Variants in ATOSA observed in about 807,000 individuals in gnomAD.
The protein encoded by ATOSA is atos homolog protein A.
At chr15:52,661,577 A>G in the ATOSA span, among the ~76,000 whole-genome samples, 2 of 152,232 alleles carry the variant, frequency 1.3e-5, no homozygotes, top group Non-Finnish European at 2.9e-5. Context: ...CAGAATAACA[A>G]AATTATTTTC....
At chr15:52,672,694 T>C in the ATOSA span, among the ~76,000 whole-genome samples, 1 of 152,242 alleles carries the variant, frequency 6.6e-6, no homozygotes, top group Non-Finnish European at 1.5e-5. Context: ...CCCCATGGGT[T>C]TCTTCAGTTC....
At chr15:52,587,473 G>A in the ATOSA span, 6 of 271,732 alleles carry the variant, frequency 2.2e-5, no homozygotes, top group Non-Finnish European at 4.1e-5. Context: ...TTAAGATATA[G>A]GAATAAAAGA....
chr15:52,671,129 C>A, the ATOSA span, among the ~76,000 whole-genome samples: 1 of 152,052 alleles, frequency 6.6e-6, no homozygotes. Context: ...ATTTGTTAGA[C>A]GTATATAAAC....
At chr15:52,645,225 T>C in the ATOSA span, among the ~76,000 whole-genome samples, 1 of 152,178 alleles carries the variant, frequency 6.6e-6, no homozygotes, top group Non-Finnish European at 1.5e-5. Flanking sequence ...CATCACTTGA[T>C]GTCAAGAGTT....
chr15:52,651,187 T>C, the ATOSA span, among the ~76,000 whole-genome samples: 581 of 152,310 alleles, frequency 3.8e-3, 1 homozygote, highest in Middle Eastern at 0.024. Flanking sequence ...ACCTTGTATG[T>C]TGTCTTCAAA....
At chr15:52,624,863 T>C in the ATOSA span, among the ~76,000 whole-genome samples, 2 of 151,534 alleles carry the variant, frequency 1.3e-5, no homozygotes, top group Admixed American at 1.3e-4. Flanking sequence ...CTGAAACCTC[T>C]GCCTCCTGGG....
At chr15:52,707,636 A>G in the ATOSA span, among the ~76,000 whole-genome samples, 1 of 152,202 alleles carries the variant, frequency 6.6e-6, no homozygotes, top group Admixed American at 6.5e-5. Context: ...TTAGATAAAA[A>G]TAATAGATCA....
the ATOSA span, among the ~76,000 whole-genome samples, chr15:52,643,664 C>A: frequency 4.6e-5 from 7 of 151,852 alleles, no homozygotes; most frequent in Non-Finnish European, 1.0e-4. Flanking sequence ...GCCTGTAATC[C>A]CAACACTTTG....
chr15:52,644,396 T>C, the ATOSA span, among the ~76,000 whole-genome samples: 1 of 152,218 alleles, frequency 6.6e-6, no homozygotes, highest in Non-Finnish European at 1.5e-5. Context: ...CCCTCTTTCA[T>C]GTCTTTTTAT....
At chr15:52,622,777 T>C in the ATOSA span, among the ~76,000 whole-genome samples, 1 of 151,774 alleles carries the variant, frequency 6.6e-6, no homozygotes, top group South Asian at 2.1e-4. Context: ...TCCCAGGAAC[T>C]AGAAGGTGAA....
the ATOSA span, among the ~76,000 whole-genome samples, chr15:52,676,562 AT>A: frequency 6.6e-6 from 1 of 152,198 alleles, no homozygotes; most frequent in Admixed American, 6.5e-5. Flanking sequence ...TTATTATGGA[AT>A]ATAATCACAA....
the ATOSA span, among the ~76,000 whole-genome samples, chr15:52,632,253 T>C: frequency 3.3e-3 from 496 of 152,336 alleles, 1 homozygote; most frequent in African/African-American, 0.011. Flanking sequence ...TCTTAATCCT[T>C]ATTTCTCTAG....
the ATOSA span, among the ~76,000 whole-genome samples, chr15:52,685,871 C>T: frequency 6.6e-6 from 1 of 152,244 alleles, no homozygotes; most frequent in African/African-American, 2.4e-5. Flanking sequence ...CCATCACCAC[C>T]ATGCCCCGCT....
At chr15:52,699,828 G>A in the ATOSA span, among the ~76,000 whole-genome samples, 3 of 152,132 alleles carry the variant, frequency 2.0e-5, no homozygotes, top group Admixed American at 1.3e-4. Flanking sequence ...TTTAGTGTTT[G>A]AGGAAATCTG....
At chr15:52,640,355 T>C in the ATOSA span, among the ~76,000 whole-genome samples, 4 of 151,472 alleles carry the variant, frequency 2.6e-5, no homozygotes, top group Non-Finnish European at 5.9e-5. Context: ...AGGCTGAGGT[T>C]AGGAGTTCAA....
chr15:52,601,170 G>C, the ATOSA span: 2 of 1,514,840 alleles, frequency 1.3e-6, no homozygotes, highest in South Asian at 1.3e-5. Flanking sequence ...AGGAACCTAA[G>C]GTCAAAACGA....
the ATOSA span, among the ~76,000 whole-genome samples, chr15:52,617,484 G>A: frequency 2.0e-5 from 3 of 151,798 alleles, no homozygotes; most frequent in Non-Finnish European, 2.9e-5. Context: ...CTAAAACATC[G>A]GGGAAAATAA....
chr15:52,694,893 C>A, the ATOSA span, among the ~76,000 whole-genome samples: 1 of 151,376 alleles, frequency 6.6e-6, no homozygotes, highest in Non-Finnish European at 1.5e-5. Context: ...ACCATACTTT[C>A]CCCCATTATT....
At chr15:52,659,508 TA>T in the ATOSA span, among the ~76,000 whole-genome samples, 1 of 152,228 alleles carries the variant, frequency 6.6e-6, no homozygotes, top group Non-Finnish European at 1.5e-5. Context: ...AGAGCATTTC[TA>T]AAACAAAATC....
Sources: gnomAD v4.1 joint callset for allele counts (sites outside exome capture counted in the v4.1 genomes callset) on GRCh38, gnomAD v4.1.1 for gene constraint, MANE v1.5 for transcripts, NCBI Gene and HGNC (gene_info 2026-07-23, HGNC 2026-07-21) for gene names.